The following GPM6A variants were observed in gnomAD, a reference collection of about 807,000 sequenced individuals.
The protein encoded by GPM6A is glycoprotein M6A, also known as neuronal membrane glycoprotein M6-a.
A neutral mutation model predicts 32.1 loss-of-function variants in GPM6A; 7 were observed. The ratio of observed to expected loss-of-function variants is 0.22; its 90% CI spans 0.12 to 0.41. The LOEUF is 0.41. GPM6A is among the 10% of genes least tolerant of loss of function. The probability of loss-of-function intolerance (pLI) is 1.00; values close to 1 mark genes in which losing one functional copy is unlikely to be tolerated. For synonymous variants in GPM6A, 130 were observed against 123.4 expected (o/e 1.05, Z -0.35); for missense variants, 235 against 347.2 (o/e 0.68, Z 2.57).
intron 1 of GPM6A, among the ~76,000 whole-genome samples, chr4:175,852,867 T>G (rs1178870904): frequency 6.6e-6 from 1 of 152,148 alleles, no homozygotes; most frequent in Non-Finnish European, 1.5e-5. Context: ...TACAGCAATA[T>G]GTAAATCAGA....
chr4:175,793,289 C>T (rs973876672), intron 1 of GPM6A, among the ~76,000 whole-genome samples: 3 of 152,128 alleles, frequency 2.0e-5, no homozygotes, highest in African/African-American at 7.2e-5. Flanking sequence ...TGCCTGGATA[C>T]CCACCGTCCC....
chr4:175,804,021 C>T (rs1734580956), intron 1 of GPM6A, among the ~76,000 whole-genome samples: 1 of 151,750 alleles, frequency 6.6e-6, no homozygotes, highest in African/African-American at 2.4e-5. Context: ...AGACAATAAA[C>T]CACTAAATGA....
At chr4:175,688,113 CAGTT>C (rs1047469434) in intron 2 of GPM6A, among the ~76,000 whole-genome samples, 5 of 152,032 alleles carry the variant, frequency 3.3e-5, no homozygotes, top group African/African-American at 1.2e-4. Flanking sequence ...ACCAGATAAA[CAGTT>C]TGTAAATATT....
intron 1 of GPM6A, among the ~76,000 whole-genome samples, chr4:175,832,699 C>T (rs1735652136): frequency 6.6e-6 from 1 of 152,090 alleles, no homozygotes; most frequent in African/African-American, 2.4e-5. Flanking sequence ...TTCTAATTCC[C>T]CCAAACCATG....
chr4:175,652,791 G>A (rs1025282425), intron 3 of GPM6A, among the ~76,000 whole-genome samples: 1 of 152,106 alleles, frequency 6.6e-6, no homozygotes, highest in South Asian at 2.1e-4. Flanking sequence ...GTATGAATTA[G>A]TGGATGGATG....
chr4:175,910,809 T>G (rs1020663828), intron 1 of GPM6A, among the ~76,000 whole-genome samples: 4 of 152,198 alleles, frequency 2.6e-5, no homozygotes, highest in African/African-American at 9.7e-5. Flanking sequence ...AATAAATATT[T>G]TAGGCTTTAT....
intron 1 of GPM6A, among the ~76,000 whole-genome samples, chr4:175,951,147 T>C (rs983560734): frequency 6.6e-6 from 1 of 152,162 alleles, no homozygotes; most frequent in Non-Finnish European, 1.5e-5. Context: ...GAAAGCTTCA[T>C]CTATCATCCT....
intron 1 of GPM6A, among the ~76,000 whole-genome samples, chr4:175,767,515 C>G (rs1733021189): frequency 1.3e-5 from 2 of 152,126 alleles, no homozygotes; most frequent in African/African-American, 4.8e-5. Context: ...AGTGTTTTAA[C>G]CAGAAATCCA....
intron 1 of GPM6A, among the ~76,000 whole-genome samples, chr4:175,887,992 A>G (rs1560980658): frequency 6.6e-6 from 1 of 151,978 alleles, no homozygotes; most frequent in South Asian, 2.1e-4. Flanking sequence ...CTATATTACT[A>G]CATAAATCTT....
At position 175,954,546 on chromosome 4, in the gene GPM6A, C is replaced by A. The variant is rs142887293; in HGVS notation, c.-23+47763G>T. ...TAATATATACCACACTGAGTTTTGT[C>A]TATCATTTTTCCACCCGAAGAGTCA... On this transcript the variant is annotated intron_variant, in intron 1 of 7. Transcript: ENST00000280187. 3.9e-5 allele frequency among the ~76,000 whole-genome samples: 6 copies of A among 152,270 alleles called. 1 individual carries two copies. The highest frequency in any genetic ancestry group is 1.4e-4 in the African/African-American group (6 of 41,550).
chr4:175,948,019 C>T (rs1482416046), intron 1 of GPM6A, among the ~76,000 whole-genome samples: 1 of 135,524 alleles, frequency 7.4e-6, no homozygotes, highest in Non-Finnish European at 1.5e-5. Context: ...TAGCACCTAG[C>T]AATAGCAATA....
chr4:175,692,170 G>C (rs1744335540), intron 2 of GPM6A, among the ~76,000 whole-genome samples: 1 of 152,092 alleles, frequency 6.6e-6, no homozygotes, highest in Non-Finnish European at 1.5e-5. Context: ...TGGTAAGCTA[G>C]AACTTGTTAT....
intron 3 of GPM6A, among the ~76,000 whole-genome samples, chr4:175,668,089 C>G (rs1186665054): frequency 6.6e-6 from 1 of 152,078 alleles, no homozygotes. Flanking sequence ...CCTTATGAGA[C>G]TAGCAGAAAA....
At chr4:175,829,947 G>A (rs139678543) in intron 1 of GPM6A, among the ~76,000 whole-genome samples, 15 of 152,084 alleles carry the variant, frequency 9.9e-5, no homozygotes, top group African/African-American at 1.4e-4. Flanking sequence ...TATAATTGCC[G>A]TAATCTGGGC....
intron 1 of GPM6A, chr4:175,795,791 C>T (rs373702111): frequency 1.3e-5 from 2 of 152,070 alleles, no homozygotes; most frequent in Admixed American, 6.6e-5. Flanking sequence ...GTAAAAGTAC[C>T]GTGGCTTCCA....
At chr4:175,919,071 G>A (rs989121578) in intron 1 of GPM6A, among the ~76,000 whole-genome samples, 3 of 152,030 alleles carry the variant, frequency 2.0e-5, no homozygotes, top group South Asian at 4.1e-4. Context: ...TTATCATTAC[G>A]ATAAGATAGG....
chr4:175,821,799 G>A (rs1485650892), intron 1 of GPM6A, among the ~76,000 whole-genome samples: 1 of 151,894 alleles, frequency 6.6e-6, no homozygotes, highest in African/African-American at 2.4e-5. Context: ...CCTATAAGAA[G>A]CAAATTTGCT....
At position 175,842,861 on chromosome 4, in the gene GPM6A, C is replaced by T. The variant is rs185973040; in HGVS notation, c.-22-30612G>A. Reference sequence around the variant, plus strand: ...ACTTTAATATGAATTGAATTAATGGCTCTATGGAGAAAAGAAAAAAGAAAG... The same window carrying T: ...ACTTTAATATGAATTGAATTAATGGTTCTATGGAGAAAAGAAAAAAGAAAG... On this transcript the variant is annotated intron_variant, in intron 1 of 7. Transcript: ENST00000280187. 3.1e-3 allele frequency among the ~76,000 whole-genome samples: 467 copies of T among 151,956 alleles called. 2 individuals are homozygous for T. Among genetic ancestry groups the T allele is most frequent in the Non-Finnish European group, 5.8e-3 (394 of 67,964 alleles).
chr4:175,920,428 C>A (rs1301443844), intron 1 of GPM6A, among the ~76,000 whole-genome samples: 1 of 152,166 alleles, frequency 6.6e-6, no homozygotes, highest in African/African-American at 2.4e-5. Context: ...ATACAGCAAG[C>A]ACTCAAAGAA....
Sources: gnomAD v4.1 joint callset for allele counts (sites outside exome capture counted in the v4.1 genomes callset) on GRCh38, gnomAD v4.1.1 for gene constraint, MANE v1.5 for transcripts, NCBI Gene and HGNC (gene_info 2026-07-23, HGNC 2026-07-21) for gene names.